DGKI: variants seen among roughly 807,000 people sequenced by gnomAD.
DGKI encodes the protein diacylglycerol kinase iota, also known as DAG kinase iota.
DGKI carries 55 observed loss-of-function variants against 147.5 expected under a neutral mutation model. That is an observed-to-expected ratio of 0.37 (90% CI 0.30 to 0.47). DGKI has a LOEUF of 0.47. Ranked by LOEUF, DGKI falls within the 20% of genes least tolerant of loss-of-function variation. The pLI, the probability that DGKI is intolerant of heterozygous loss-of-function variation, is 1.00. For synonymous variants in DGKI, 469 were observed against 477.1 expected (o/e 0.98, Z 0.22); for missense variants, 1,007 against 1,323.8 (o/e 0.76, Z 3.71).
intron 20 of DGKI, among the ~76,000 whole-genome samples, chr7:137,531,472 G>A (rs116342834): frequency 4.5e-4 from 68 of 152,238 alleles, no homozygotes; most frequent in African/African-American, 1.6e-3. Flanking sequence ...CTGTCAGTTG[G>A]AGGGAGGACC....
chr7:137,799,188 A>C (rs958757904), intron 1 of DGKI, among the ~76,000 whole-genome samples: 1 of 152,192 alleles, frequency 6.6e-6, no homozygotes, highest in African/African-American at 2.4e-5. Flanking sequence ...ACAAGGAAGG[A>C]AGGCCTGATA....
At chr7:137,723,421 CA>C (rs555486909) in intron 1 of DGKI, among the ~76,000 whole-genome samples, 3 of 152,188 alleles carry the variant, frequency 2.0e-5, no homozygotes, top group Non-Finnish European at 4.4e-5. Flanking sequence ...CCACGCAAAT[CA>C]AAAACCAATT....
At chr7:137,558,446 T>C (rs1818301003) in intron 19 of DGKI, among the ~76,000 whole-genome samples, 1 of 152,068 alleles carries the variant, frequency 6.6e-6, no homozygotes, top group South Asian at 2.1e-4. Flanking sequence ...GCTAATTTCG[T>C]TTTGTATTTT....
intron 1 of DGKI, among the ~76,000 whole-genome samples, chr7:137,771,257 A>C (rs1963844): frequency 0.31 from 46,308 of 151,740 alleles, 7,372 homozygotes; most frequent in Middle Eastern, 0.43. Context: ...TGCCCAGCTA[A>C]TTTTTGTATT....
intron 6 of DGKI, among the ~76,000 whole-genome samples, chr7:137,628,170 G>A (rs1167522051): frequency 6.6e-6 from 1 of 152,026 alleles, no homozygotes; most frequent in African/African-American, 2.4e-5. Flanking sequence ...GCCCCACCTC[G>A]CTACTAAGTA....
chr7:137,394,363 CTTT>C (rs1025187688), intron 32 of DGKI, among the ~76,000 whole-genome samples: 1 of 152,186 alleles, frequency 6.6e-6, no homozygotes, highest in Non-Finnish European at 1.5e-5. Context: ...GACAATTCTT[CTTT>C]GTCCAATGTG....
In DGKI at chr7:137,682,801, C is replaced by G. The variant is rs930898836; in HGVS notation, c.511-4149G>C. On this transcript the variant is annotated intron_variant, in intron 2 of 32. Transcript: ENST00000614521. ...CATACATTCCTCCATGATTTTTTGT[C>G]TTACTGGTCAATTGGGAAGTCAGGC... Among the ~76,000 whole-genome samples the G allele has an allele frequency of 3.3e-5, 5 of 152,180 alleles. No homozygotes were observed. The East Asian group carries it at 9.7e-4, about 29-fold the overall frequency.
At chr7:137,738,825 T>G (rs191535850) in intron 1 of DGKI, among the ~76,000 whole-genome samples, 1 of 151,396 alleles carries the variant, frequency 6.6e-6, no homozygotes, top group East Asian at 2.0e-4. Context: ...TTTGAAAGTA[T>G]CCATCATCAG....
Position 137,498,334 on chromosome 7 carries a change from T to C in DGKI, c.2249-10645A>G, listed in dbSNP as rs1585172903. ...CCAATAAGAGGAGTTTCAAAAAACATCCCCATAATACGAGTCTCAAAAAAC... is the reference window on the plus strand; with the variant it reads ...CCAATAAGAGGAGTTTCAAAAAACACCCCCATAATACGAGTCTCAAAAAAC... On this transcript the variant is annotated intron_variant, in intron 21 of 32. Coordinates refer to ENST00000614521, the MANE Select transcript of DGKI (RefSeq NM_001321708.2). Among the ~76,000 whole-genome samples the C allele has an allele frequency of 2.6e-5, 4 of 151,704 alleles. 1 individual carries two copies. The highest frequency in any genetic ancestry group is 2.6e-4 in the Admixed American group (4 of 15,236).
chr7:137,387,403 A>C lies in DGKI; in HGVS notation c.*3817T>G, dbSNP rs1811206923. 1 of 152,184 alleles carries C rather than the reference A, an allele frequency of 6.6e-6. No individual in the cohort carries two copies. The highest frequency in any genetic ancestry group is 1.5e-5 in the Non-Finnish European group (1 of 68,012). 9.4% of individuals were successfully genotyped at this position (152,184 alleles called of 1,614,324 possible). A position where few individuals can be genotyped will look rare whatever the true frequency, so the allele number is the denominator to read the frequency against. On this transcript the variant is annotated 3_prime_UTR_variant, in exon 33 of 33. Coordinates refer to ENST00000614521, the MANE Select transcript of DGKI (RefSeq NM_001321708.2). ...CTAGCAATGGTGGAAACAAAAAAAT[A>C]AATGGAACTTCTCTGTTTAACCTGT...
chr7:137,475,333 A>G (rs1315286134), intron 23 of DGKI, among the ~76,000 whole-genome samples: 1 of 152,180 alleles, frequency 6.6e-6, no homozygotes, highest in Non-Finnish European at 1.5e-5. Context: ...TTAATCAGCA[A>G]TCCAGTGCCT....
At chr7:137,620,910 G>A (rs1028499520) in intron 7 of DGKI, among the ~76,000 whole-genome samples, 3 of 152,096 alleles carry the variant, frequency 2.0e-5, no homozygotes, top group African/African-American at 7.2e-5. Flanking sequence ...TTTCTTCTTA[G>A]ATTATACTTC....
intron 17 of DGKI, among the ~76,000 whole-genome samples, chr7:137,576,637 G>C (rs1232104739): frequency 1.3e-5 from 2 of 152,058 alleles, no homozygotes; most frequent in African/African-American, 4.8e-5. Flanking sequence ...TCCGCAACCT[G>C]ATATAGAGAC....
intron 30 of DGKI, among the ~76,000 whole-genome samples, chr7:137,399,582 T>C (rs1234315292): frequency 6.6e-6 from 1 of 152,174 alleles, no homozygotes; most frequent in African/African-American, 2.4e-5. Context: ...TAAAGTCAAA[T>C]TAATAATAAT....
intron 7 of DGKI, among the ~76,000 whole-genome samples, chr7:137,622,210 T>C (rs894540102): frequency 8.5e-5 from 13 of 152,166 alleles, no homozygotes; most frequent in Non-Finnish European, 1.6e-4. Context: ...GAGATATTAT[T>C]AAGTTGAACT....
chr7:137,613,817 T>G (rs1820443802), intron 8 of DGKI, among the ~76,000 whole-genome samples: 1 of 152,164 alleles, frequency 6.6e-6, no homozygotes, highest in East Asian at 1.9e-4. Context: ...CAAGAATCTT[T>G]TTTTACTAAG....
chr7:137,497,061 G>GGATATT (rs1815992242), intron 21 of DGKI, among the ~76,000 whole-genome samples: 1 of 150,286 alleles, frequency 6.7e-6, no homozygotes, highest in Non-Finnish European at 1.5e-5. Flanking sequence ...TAATGCATCT[G>GGATATT]ACAAACGTGT....
intron 14 of DGKI, among the ~76,000 whole-genome samples, chr7:137,582,197 T>C (rs1433398151): frequency 6.6e-6 from 1 of 152,170 alleles, no homozygotes; most frequent in Non-Finnish European, 1.5e-5. Flanking sequence ...ATCATTTTTA[T>C]AGATGCTGTA....
chr7:137,788,635 TAC>T (rs745381286), intron 1 of DGKI, among the ~76,000 whole-genome samples: 258 of 119,756 alleles, frequency 2.2e-3, no homozygotes, highest in Admixed American at 2.4e-3. Context: ...AACCCATAAA[TAC>T]ACACACACAC....
Sources: gnomAD v4.1 joint callset for allele counts (sites outside exome capture counted in the v4.1 genomes callset) on GRCh38, gnomAD v4.1.1 for gene constraint, MANE v1.5 for transcripts, NCBI Gene and HGNC (gene_info 2026-07-23, HGNC 2026-07-21) for gene names.